Variants in LINGO1 observed in about 807,000 individuals in gnomAD.
LINGO1 encodes the protein leucine-rich repeat and immunoglobulin-like domain-containing nogo receptor-interacting protein 1.
A neutral mutation model predicts 37.3 loss-of-function variants in LINGO1; 11 were observed. The observed-to-expected ratio is 0.29, with a 90% CI of 0.19 to 0.49. LINGO1 has a LOEUF of 0.49. LINGO1 is among the 20% of genes least tolerant of loss of function. LINGO1 has a pLI of 0.99. For synonymous variants in LINGO1, 387 were observed against 403.0 expected (o/e 0.96, Z 0.48); for missense variants, 585 against 878.2 (o/e 0.67, Z 4.22).
chr15:77,751,343 G>A (rs1299022200), intron 1 of LINGO1, among the ~76,000 whole-genome samples: 3 of 152,348 alleles, frequency 2.0e-5, no homozygotes, highest in Middle Eastern at 3.4e-3. Flanking sequence ...GCTGCTTTTA[G>A]GATCATTACC....
intron 1 of LINGO1, among the ~76,000 whole-genome samples, chr15:77,763,997 G>A (rs1395747036): frequency 6.6e-6 from 1 of 152,196 alleles, no homozygotes; most frequent in Non-Finnish European, 1.5e-5. Context: ...AAAGTCACCT[G>A]TGACCATGGC....
At chr15:77,727,759 A>G (rs1390394473) in intron 2 of LINGO1, among the ~76,000 whole-genome samples, 1 of 151,852 alleles carries the variant, frequency 6.6e-6, no homozygotes, top group Non-Finnish European at 1.5e-5. Context: ...AAAAAAAAAG[A>G]AAAGGAAAAA....
rs1567588169 is a variant in LINGO1 at position 77,794,373 on chromosome 15, CGTATATGTAT to C, written c.-343+1556_-343+1565del. On this transcript the variant is annotated intron_variant, in intron 2 of 5. Coordinates refer to the LINGO1 transcript ENST00000562933. ...ATACGTATATATGTGTATATACATA[CGTATATGTAT>C]ATACATACATATATACGTATATATG... Among the ~76,000 whole-genome samples, 20 of 62,762 alleles carry C rather than the reference CGTATATGTAT, an allele frequency of 3.2e-4. 5 individuals carry two copies. The highest frequency in any genetic ancestry group is 3.7e-4 in the Admixed American group (2 of 5,416). The allele number at this position is 62,762 out of a possible 152,430, so 41.2% of individuals were successfully genotyped here.
At chr15:77,700,611 G>A (rs986680451), upstream of LINGO1, among the ~76,000 whole-genome samples, 3 of 152,198 alleles carry the variant, frequency 2.0e-5, no homozygotes, top group Admixed American at 1.3e-4. Context: ...TGGGCCAGCT[G>A]CAGGCGGGGT....
intron 2 of LINGO1, among the ~76,000 whole-genome samples, chr15:77,712,314 C>A (rs1211175866): frequency 5.9e-5 from 9 of 152,158 alleles, no homozygotes; most frequent in African/African-American, 1.9e-4. Context: ...GACCTTCGCA[C>A]CTCACCTTCC....
At chr15:77,649,576 G>A (rs941095449) in intron 3 of LINGO1, among the ~76,000 whole-genome samples, 6 of 152,156 alleles carry the variant, frequency 3.9e-5, no homozygotes, top group Non-Finnish European at 5.9e-5. Flanking sequence ...GGAGGAAGGG[G>A]GTTCAGGAAG....
chr15:77,787,590 CCCCTCCTCTTTG>C (rs1239256219), upstream of LINGO1, among the ~76,000 whole-genome samples: 1 of 151,972 alleles, frequency 6.6e-6, no homozygotes, highest in Non-Finnish European at 1.5e-5. Flanking sequence ...TGGGAACAGT[CCCCTCCTCTTTG>C]CCCTCCCCAT....
At position 77,614,332 on chromosome 15, in the gene LINGO1, G is replaced by A. The variant is rs11853548; in HGVS notation, c.1575C>T (p.Pro525=). 2.2e-3 allele frequency: 3,568 copies of A among 1,613,946 alleles called. 73 individuals carry two copies. The African/African-American group carries it at 0.042, about 19-fold the overall frequency. The change falls in exon 2 of 2, where the codon CCC becomes CCT. Residue 525 remains proline (P), a synonymous_variant. Transcript: ENST00000355300. ...RSYSPDWPHQ[P]NKTFAFISNQ... ...TGGAGATGAAAGCGAAGGTCTTGTT[G>A]GGCTGATGGGGCCAGTCGGGCGAGT...
At position 77,803,474 on chromosome 15, in the gene LINGO1, G is replaced by GA. The variant is rs796631235; in HGVS notation, c.-457-7422dup. On this transcript the variant is annotated intron_variant, in intron 1 of 5. Transcript: ENST00000562933. The stretch of plus-strand genomic sequence containing the variant: ...CAAACAGACAAACAAAAAATCTGAA[G>GA]AAAAAAAAAAAAGATGTTTATAGAA... Among the ~76,000 whole-genome samples the GA allele has an allele frequency of 1.1e-3, 154 of 140,192 alleles. 1 individual carries two copies. Among genetic ancestry groups the GA allele is most frequent in the Middle Eastern group, 3.6e-3 (1 of 274 alleles). The allele number at this position is 140,192 out of a possible 152,430, so 92.0% of individuals were successfully genotyped here. A position where few individuals can be genotyped will look rare whatever the true frequency, so the allele number is the denominator to read the frequency against.
intron 1 of LINGO1, among the ~76,000 whole-genome samples, chr15:77,759,568 C>A (rs543704948): frequency 6.6e-6 from 1 of 152,208 alleles, no homozygotes; most frequent in South Asian, 2.1e-4. Context: ...GCCCAGCACA[C>A]CATAGGTGCT....
upstream of LINGO1, among the ~76,000 whole-genome samples, chr15:77,787,433 A>T (rs1413095503): frequency 2.6e-5 from 4 of 152,098 alleles, no homozygotes; most frequent in African/African-American, 9.7e-5. Context: ...AGGACAAGAA[A>T]CACAGCTGCA....
At chr15:77,636,670 A>G (rs2074403008), upstream of LINGO1, among the ~76,000 whole-genome samples, 1 of 152,136 alleles carries the variant, frequency 6.6e-6, no homozygotes, top group African/African-American at 2.4e-5. Flanking sequence ...TTCCCCAGCT[A>G]TGCAATGAGA....
At chr15:77,799,326 A>T (rs1362038647) in intron 1 of LINGO1, among the ~76,000 whole-genome samples, 1 of 152,182 alleles carries the variant, frequency 6.6e-6, no homozygotes, top group Non-Finnish European at 1.5e-5. Context: ...GAGCCCAGGG[A>T]AGGGTCCCTC....
At chr15:77,623,984 G>C (rs2074009776) in intron 1 of LINGO1, among the ~76,000 whole-genome samples, 1 of 151,046 alleles carries the variant, frequency 6.6e-6, no homozygotes, top group Non-Finnish European at 1.5e-5. Context: ...CTGTGTGTGT[G>C]TGTGATGTGT....
chr15:77,790,310 G>A (rs1353343012), upstream of LINGO1, among the ~76,000 whole-genome samples: 2 of 152,234 alleles, frequency 1.3e-5, no homozygotes, highest in African/African-American at 2.4e-5. Flanking sequence ...CATAGTAGGT[G>A]CTTAGTAAAT....
chr15:77,764,798 A>G (rs2076511504), intron 1 of LINGO1, among the ~76,000 whole-genome samples: 1 of 152,224 alleles, frequency 6.6e-6, no homozygotes, highest in African/African-American at 2.4e-5. Flanking sequence ...CCTACCACAG[A>G]GCAGTTCCAC....
At chr15:77,634,716 G>A (rs1170143570), upstream of LINGO1, among the ~76,000 whole-genome samples, 6 of 152,092 alleles carry the variant, frequency 3.9e-5, no homozygotes, top group East Asian at 1.2e-3. Context: ...CGACTCCCCG[G>A]TCCCTCAACT....
intron 2 of LINGO1, among the ~76,000 whole-genome samples, chr15:77,684,089 G>A (rs1178013723): frequency 6.6e-6 from 1 of 152,128 alleles, no homozygotes; most frequent in Non-Finnish European, 1.5e-5. Context: ...TCTGTGCCTT[G>A]CCTTTTAAGT....
chr15:77,732,457 C>G (rs918847457), intron 2 of LINGO1, among the ~76,000 whole-genome samples: 1 of 152,264 alleles, frequency 6.6e-6, no homozygotes, highest in Admixed American at 6.5e-5. Flanking sequence ...GTCCGCATCT[C>G]AAGCTCACAC....
Sources: allele counts gnomAD v4.1 joint callset (sites outside exome capture counted in the v4.1 genomes callset), GRCh38; gene constraint gnomAD v4.1.1; transcripts MANE v1.5; gene names NCBI Gene and HGNC (gene_info 2026-07-23, HGNC 2026-07-21).